Variants in FAM91A1 observed in about 807,000 individuals in gnomAD.
FAM91A1 encodes protein FAM91A1.
In FAM91A1, 41 loss-of-function variants were observed where a neutral mutation model predicts 113.5. The ratio of observed to expected loss-of-function variants is 0.36; its 90% confidence interval spans 0.28 to 0.47. The LOEUF is 0.47. Among genes scored for constraint, FAM91A1 ranks in the 20% least tolerant of loss-of-function variants. The pLI, the probability that FAM91A1 is intolerant of heterozygous loss-of-function variation, is 1.00. For synonymous variants in FAM91A1, 307 were observed against 347.9 expected (o/e 0.88, Z 1.31); for missense variants, 696 against 1,001.2 (o/e 0.70, Z 4.11).
rs569141615 is a variant in FAM91A1, at chr8:123,788,460, C to T, written c.1278+710C>T. Among the ~76,000 whole-genome samples, 178 of 151,696 alleles carry T rather than the reference C, an allele frequency of 1.2e-3. No individual in the cohort carries two copies. The Middle Eastern group carries it at 0.02, about 17-fold the overall frequency. ...GTTTAGAGAATTTGTGGTGATTCTGCAACTCCTTTATATCTTAAAAAAAAA... is the reference window on the plus strand; with the variant it reads ...GTTTAGAGAATTTGTGGTGATTCTGTAACTCCTTTATATCTTAAAAAAAAA... On this transcript the variant is annotated intron_variant, in intron 14 of 23. Transcript: ENST00000334705.
At chr8:123,783,538 T>C (rs1435198327) in intron 8 of FAM91A1, among the ~76,000 whole-genome samples, 1 of 152,236 alleles carries the variant, frequency 6.6e-6, no homozygotes, top group Non-Finnish European at 1.5e-5. Context: ...TGTCTCAGTT[T>C]TGACCATTTG....
intron 14 of FAM91A1, chr8:123,788,158 C>A: frequency 1.0e-6 from 1 of 973,630 alleles, no homozygotes; most frequent in South Asian, 4.8e-5. Flanking sequence ...GGAACAATAT[C>A]CCTGGGTATC....
intron 23 of FAM91A1, chr8:123,811,467 G>A (rs973145775): frequency 6.6e-6 from 1 of 152,206 alleles, no homozygotes; most frequent in Non-Finnish European, 1.5e-5. Context: ...GTCTGTTGTG[G>A]CAGTGAAGGC....
At position 123,789,714 on chromosome 8, in the gene FAM91A1, G is replaced by A. The variant is rs76510900; in HGVS notation, c.1380G>A (p.Ala460=). 4.0e-3 allele frequency: 6,398 copies of A among 1,613,114 alleles called. 215 individuals carry two copies. The African/African-American group carries it at 0.071, about 18-fold the overall frequency. The part of the protein sequence containing the change: ...LFLRHNKDLV[A]QTAQPDQPNY... ...TGCGTCATAACAAAGATCTAGTTGC[G>A]CAAACTGCACAGCCAGACCAACCCA... The change falls in exon 15 of 24, where the codon GCG becomes GCA. Residue 460 remains alanine (A), a synonymous_variant. Coordinates refer to ENST00000334705, the MANE Select transcript of FAM91A1 (RefSeq NM_144963.4).
At chr8:123,795,388 C>G (rs531493587) in intron 15 of FAM91A1, among the ~76,000 whole-genome samples, 1 of 151,652 alleles carries the variant, frequency 6.6e-6, no homozygotes, top group South Asian at 2.1e-4. Flanking sequence ...CCCCCCGCCC[C>G]CCTGCCCTTT....
intron 15 of FAM91A1, 104 bp downstream of exon 15, chr8:123,789,849 G>T (rs891495657): frequency 2.3e-6 from 3 of 1,326,710 alleles, no homozygotes; most frequent in Non-Finnish European, 3.1e-6. Flanking sequence ...TACGTATTTT[G>T]TGTAGATAGC....
chr8:123,803,872 T>C (rs1032837993), intron 18 of FAM91A1, among the ~76,000 whole-genome samples: 2 of 152,190 alleles, frequency 1.3e-5, no homozygotes, highest in African/African-American at 4.8e-5. Context: ...ATTTGAATAA[T>C]GTATGGGTCT....
intron 14 of FAM91A1, chr8:123,788,272 A>G: frequency 1.0e-6 from 1 of 978,840 alleles, no homozygotes; most frequent in South Asian, 4.7e-5. Context: ...AGTTTTCCTT[A>G]GCTCTAAATA....
chr8:123,795,664 G>A (rs115647374), intron 15 of FAM91A1, among the ~76,000 whole-genome samples: 2,560 of 152,268 alleles, frequency 0.017, 67 homozygotes, highest in African/African-American at 0.058. Context: ...TGCAAGAACG[G>A]AGTGATACAG....
chr8:123,806,334 G>A, intron 20 of FAM91A1, 105 bp downstream of exon 20: 2 of 1,191,916 alleles, frequency 1.7e-6, no homozygotes, highest in Non-Finnish European at 2.3e-6. Context: ...CTGAATTATT[G>A]AATACTCAAT....
chr8:123,776,927 C>A (rs1814997640), intron 3 of FAM91A1, among the ~76,000 whole-genome samples: 1 of 152,144 alleles, frequency 6.6e-6, no homozygotes, highest in African/African-American at 2.4e-5. Flanking sequence ...TGGTGGAGAT[C>A]TAGGATCAGG....
At chr8:123,778,949 T>C (rs1249250310) in intron 6 of FAM91A1, among the ~76,000 whole-genome samples, 177 bp downstream of exon 6, 1 of 152,190 alleles carries the variant, frequency 6.6e-6, no homozygotes, top group Non-Finnish European at 1.5e-5. Context: ...TTTGAGATAC[T>C]CTTTAATGGT....
At chr8:123,805,361 T>C (rs1286451180) in intron 19 of FAM91A1, 22 bp downstream of exon 19, 1 of 1,551,846 alleles carries the variant, frequency 6.4e-7, no homozygotes, top group Non-Finnish European at 8.7e-7. Flanking sequence ...ATTGTATCTA[T>C]TGACTTTTTT....
intron 15 of FAM91A1, among the ~76,000 whole-genome samples, chr8:123,792,706 C>G (rs1815413416): frequency 6.6e-6 from 1 of 152,120 alleles, no homozygotes; most frequent in Non-Finnish European, 1.5e-5. Context: ...ATTATCTATA[C>G]TTGACATTGA....
chr8:123,814,958 T>C lies in FAM91A1; in HGVS notation c.*2254T>C, dbSNP rs182650656. The C allele has an allele frequency of 1.3e-5, 2 of 152,756 alleles. No homozygotes were observed. The highest frequency in any genetic ancestry group is 1.3e-4 in the Admixed American group (2 of 15,296). The allele number at this position is 152,756 out of a possible 1,614,324, so 9.5% of individuals were successfully genotyped here. On this transcript the variant is annotated 3_prime_UTR_variant, in exon 24 of 24. Coordinates refer to ENST00000334705, the MANE Select transcript of FAM91A1 (RefSeq NM_144963.4). ...TAATTTCATTTGGCTTTTTACCATG[T>C]TCCTTCCTTTCTTTTTCCCGCTTCC...
chr8:123,787,538 G>A (rs1815288876), intron 13 of FAM91A1, 126 bp from the exon 14 acceptor site: 1 of 995,366 alleles, frequency 1.0e-6, no homozygotes, highest in African/African-American at 1.6e-5. Flanking sequence ...GTAATTGGAA[G>A]AATTAGCCCC....
At chr8:123,807,608 C>T (rs893634531) in intron 20 of FAM91A1, among the ~76,000 whole-genome samples, 13 of 151,736 alleles carry the variant, frequency 8.6e-5, no homozygotes, top group Non-Finnish European at 1.9e-4. Context: ...CTGCATAAAG[C>T]GCTAACACAG....
intron 1 of FAM91A1, among the ~76,000 whole-genome samples, chr8:123,771,050 T>A (rs1328255252): frequency 6.6e-6 from 1 of 152,244 alleles, no homozygotes; most frequent in Non-Finnish European, 1.5e-5. Context: ...AAACCCAACC[T>A]TATTACTGCT....
At chr8:123,792,677 G>A (rs1237656566) in intron 15 of FAM91A1, among the ~76,000 whole-genome samples, 1 of 152,158 alleles carries the variant, frequency 6.6e-6, no homozygotes, top group Non-Finnish European at 1.5e-5. Flanking sequence ...TACTTTCCCT[G>A]TTGTAGTATA....
Sources: allele counts gnomAD v4.1 joint callset (sites outside exome capture counted in the v4.1 genomes callset), GRCh38; gene constraint gnomAD v4.1.1; transcripts MANE v1.5; gene names NCBI Gene and HGNC (gene_info 2026-07-23, HGNC 2026-07-21).